LPCAT2: variants seen among roughly 807,000 people sequenced by gnomAD.
The protein encoded by LPCAT2 is 1-AGP acyltransferase 11.
LPCAT2 carries 58 observed loss-of-function variants against 64.7 expected under a neutral mutation model. The observed-to-expected ratio is 0.90, with a 90% CI of 0.73 to 1.12. The LOEUF (loss-of-function observed/expected upper bound fraction) is 1.12. LPCAT2 is among the 50% of genes most tolerant of loss of function. The pLI, the probability that LPCAT2 is intolerant of heterozygous loss-of-function variation, is 0.00. For missense variants in LPCAT2, 579 were observed against 669.8 expected (o/e 0.86, Z 1.50); for synonymous variants, 252 against 245.3 (o/e 1.03, Z -0.26).
intron 9 of LPCAT2, 67 bp downstream of exon 9, chr16:55,545,884 C>A: frequency 7.8e-7 from 1 of 1,281,724 alleles, no homozygotes; most frequent in South Asian, 1.3e-5. Flanking sequence ...TCGTTTAACT[C>A]ATTTTAAGGA....
chr16:55,552,067 A>G (rs767526593), intron 11 of LPCAT2, among the ~76,000 whole-genome samples: 2 of 152,164 alleles, frequency 1.3e-5, no homozygotes, highest in Non-Finnish European at 2.9e-5. Context: ...AAAAATATAT[A>G]TATTTTCTTG....
intron 1 of LPCAT2, among the ~76,000 whole-genome samples, chr16:55,519,291 G>T (rs1432661114): frequency 6.6e-6 from 1 of 151,642 alleles, no homozygotes; most frequent in African/African-American, 2.4e-5. Context: ...ACGGGGTCAG[G>T]ACATTGAGAC....
At chr16:55,513,695 C>T (rs1462209777) in intron 1 of LPCAT2, among the ~76,000 whole-genome samples, 4 of 152,092 alleles carry the variant, frequency 2.6e-5, no homozygotes, top group Admixed American at 6.6e-5. Flanking sequence ...TAAAAACCAA[C>T]GGCCTACAGT....
chr16:55,512,802 A>C (rs1251560188), intron 1 of LPCAT2, among the ~76,000 whole-genome samples: 1 of 152,196 alleles, frequency 6.6e-6, no homozygotes, highest in Non-Finnish European at 1.5e-5. Flanking sequence ...CAAACATCTC[A>C]GGCTTTACAC....
intron 12 of LPCAT2, among the ~76,000 whole-genome samples, chr16:55,577,645 G>A (rs1410047929): frequency 3.3e-5 from 5 of 152,076 alleles, no homozygotes; most frequent in Non-Finnish European, 5.9e-5. Flanking sequence ...AGACCCAGGA[G>A]AGGATTTTGA....
intron 11 of LPCAT2, among the ~76,000 whole-genome samples, chr16:55,553,810 C>T (rs560409788): frequency 6.6e-6 from 1 of 152,264 alleles, no homozygotes; most frequent in African/African-American, 2.4e-5. Flanking sequence ...GCAGCTATAG[C>T]CTTATAGCAT....
chr16:55,522,094 C>T (rs1225389917), intron 1 of LPCAT2, among the ~76,000 whole-genome samples: 2 of 151,600 alleles, frequency 1.3e-5, no homozygotes, highest in African/African-American at 4.8e-5. Flanking sequence ...GAAGAACTTC[C>T]TAAGGAATCA....
intron 7 of LPCAT2, among the ~76,000 whole-genome samples, chr16:55,536,507 G>A (rs1963326087): frequency 6.6e-6 from 1 of 152,040 alleles, no homozygotes; most frequent in African/African-American, 2.4e-5. Context: ...TCTTTCAAAT[G>A]GAAGATTTGT....
rs894474038 is a variant in LPCAT2, at chr16:55,586,095, A to G, written c.*2997A>G. 6.6e-6 allele frequency: 1 copy of G among 151,778 alleles called. No homozygotes were observed. Among genetic ancestry groups the G allele is most frequent in the African/African-American group, 2.4e-5 (1 of 41,208 alleles). The allele number at this position is 151,778 out of a possible 1,614,324, so 9.4% of individuals were successfully genotyped here. The stretch of plus-strand genomic sequence containing the variant: ...TTTTCTGCTCATTTGAATGAACTCA[A>G]TTTTATGTTAAATTGTTATATCAGA... On this transcript the variant is annotated 3_prime_UTR_variant, in exon 14 of 14. Transcript: ENST00000262134.
At chr16:55,559,811 T>C (rs1414835823) in intron 11 of LPCAT2, among the ~76,000 whole-genome samples, 3 of 149,898 alleles carry the variant, frequency 2.0e-5, no homozygotes, top group Non-Finnish European at 3.0e-5. Flanking sequence ...GTGTGACACA[T>C]AAACTTTTCT....
chr16:55,575,082 G>A (rs1443275654), intron 12 of LPCAT2, among the ~76,000 whole-genome samples: 1 of 152,136 alleles, frequency 6.6e-6, no homozygotes, highest in African/African-American at 2.4e-5. Context: ...TTCAGTCTCT[G>A]GAAAGTTCTG....
intron 13 of LPCAT2, 27 bp from the exon 14 acceptor site, chr16:55,582,887 A>G: frequency 6.7e-7 from 1 of 1,499,570 alleles, no homozygotes; most frequent in Non-Finnish European, 9.2e-7. Flanking sequence ...ACCCCAACTT[A>G]TTGGATTTTT....
intron 8 of LPCAT2, chr16:55,541,796 A>G (rs559449101): frequency 1.1e-4 from 121 of 1,114,764 alleles, no homozygotes; most frequent in Non-Finnish European, 1.4e-4. Flanking sequence ...GCACATAGTA[A>G]GTGTTCAATA....
intron 11 of LPCAT2, among the ~76,000 whole-genome samples, chr16:55,556,716 C>A (rs924884843): frequency 6.6e-6 from 1 of 152,174 alleles, no homozygotes; most frequent in Non-Finnish European, 1.5e-5. Context: ...CCACTGCACT[C>A]CAGCCTGGGC....
At chr16:55,554,500 T>G (rs1383125491) in intron 11 of LPCAT2, among the ~76,000 whole-genome samples, 1 of 152,184 alleles carries the variant, frequency 6.6e-6, no homozygotes, top group Non-Finnish European at 1.5e-5. Flanking sequence ...TTGAAGAGAG[T>G]TAGAGCCTTA....
intron 12 of LPCAT2, 32 bp from the exon 13 acceptor site, chr16:55,579,077 G>A (rs759822043): frequency 1.2e-6 from 2 of 1,606,526 alleles, no homozygotes; most frequent in Non-Finnish European, 1.7e-6. Context: ...ATGATCCTGA[G>A]GGAGCTAATT....
Position 55,574,747 on chromosome 16 carries a change from G to A in LPCAT2, c.1314+18G>A, listed in dbSNP as rs779587802. 1 of 1,584,354 alleles carries A rather than the reference G, an allele frequency of 6.3e-7. No individual in the cohort carries two copies. The highest frequency in any genetic ancestry group is 1.1e-5 in the South Asian group (1 of 90,504). On this transcript the variant is annotated intron_variant, in intron 12 of 13. Transcript: ENST00000262134. ...CATTTAAGGTACTGTCAGCCCCATT[G>A]AAAGCATCTTGGTCTGCCTTGTAAA...
At chr16:55,519,656 C>G (rs557641216) in intron 1 of LPCAT2, among the ~76,000 whole-genome samples, 1 of 152,064 alleles carries the variant, frequency 6.6e-6, no homozygotes, top group East Asian at 1.9e-4. Context: ...AAACTTTTTT[C>G]TTTATATTAA....
In LPCAT2 at chr16:55,509,148, A is replaced by G. The variant is rs2142382913; in HGVS notation, c.-34A>G. On this transcript the variant is annotated 5_prime_UTR_variant, in exon 1 of 14. Transcript: ENST00000262134. ...AGTTTTGGCTGCAGCGCCCGCGTAGATCGCTTCGGCCGGGTTCTACGCCCG... is the reference window on the plus strand; with the variant it reads ...AGTTTTGGCTGCAGCGCCCGCGTAGGTCGCTTCGGCCGGGTTCTACGCCCG... The G allele has an allele frequency of 2.3e-6, 3 of 1,306,256 alleles. No homozygotes were observed. The highest frequency in any genetic ancestry group is 2.9e-6 in the Non-Finnish European group (3 of 1,023,474). 80.9% of individuals were successfully genotyped at this position (1,306,256 alleles called of 1,614,324 possible).
Sources: gnomAD v4.1 joint callset for allele counts (sites outside exome capture counted in the v4.1 genomes callset) on GRCh38, gnomAD v4.1.1 for gene constraint, MANE v1.5 for transcripts, NCBI Gene and HGNC (gene_info 2026-07-23, HGNC 2026-07-21) for gene names.